Variants in PIK3C3 observed in about 807,000 individuals in gnomAD.
PIK3C3 encodes the protein phosphatidylinositol 3-kinase catalytic subunit type 3.
In PIK3C3, 95 loss-of-function variants were observed where a neutral mutation model predicts 126.1. That is an observed-to-expected ratio of 0.75 (90% CI 0.64 to 0.89). The LOEUF is 0.89. PIK3C3 is among the 40% of genes least tolerant of loss of function. PIK3C3 has a pLI of 0.00. For missense variants in PIK3C3, 829 were observed against 1,063.2 expected (o/e 0.78, Z 3.06); for synonymous variants, 374 against 360.0 (o/e 1.04, Z -0.44).
chr18:42,036,720 A>T (rs1462895901), intron 16 of PIK3C3, among the ~76,000 whole-genome samples: 1 of 152,132 alleles, frequency 6.6e-6, no homozygotes, highest in Non-Finnish European at 1.5e-5. Context: ...AAAACATAAT[A>T]TTATTCCAGA....
chr18:42,042,334 A>G (rs772340879), intron 19 of PIK3C3, among the ~76,000 whole-genome samples: 2 of 152,180 alleles, frequency 1.3e-5, no homozygotes, highest in Non-Finnish European at 2.9e-5. Context: ...TTTTCTGTGT[A>G]TGTTTTCCAT....
chr18:42,067,280 A>G (rs931001879), intron 23 of PIK3C3, 108 bp from the exon 24 acceptor site: 2 of 961,732 alleles, frequency 2.1e-6, no homozygotes, highest in East Asian at 2.4e-5. Flanking sequence ...TTTATTTGCC[A>G]TAGGAATAGC....
At chr18:41,995,018 A>G (rs1027836437) in intron 7 of PIK3C3, among the ~76,000 whole-genome samples, 5 of 152,154 alleles carry the variant, frequency 3.3e-5, no homozygotes, top group African/African-American at 1.2e-4. Context: ...AGTTTGGTCA[A>G]CAGAGCAAGA....
chr18:42,013,388 G>C, intron 10 of PIK3C3, 54 bp from the exon 11 acceptor site: 2 of 989,160 alleles, frequency 2.0e-6, no homozygotes, highest in Non-Finnish European at 3.0e-6. Context: ...AATTATGTCT[G>C]TAATAATTTT....
At chr18:41,982,891 T>A (rs1004911942) in intron 4 of PIK3C3, among the ~76,000 whole-genome samples, 1 of 152,228 alleles carries the variant, frequency 6.6e-6, no homozygotes, top group Non-Finnish European at 1.5e-5. Flanking sequence ...TTAAGATACT[T>A]CTACCACATA....
chr18:42,045,292 TACTC>T (rs1984512081), intron 20 of PIK3C3, among the ~76,000 whole-genome samples: 1 of 152,136 alleles, frequency 6.6e-6, no homozygotes, highest in Non-Finnish European at 1.5e-5. Flanking sequence ...CTTGTCCTCT[TACTC>T]TGTGTTTCTC....
chr18:42,029,332 A>G lies in PIK3C3; in HGVS notation c.1598A>G (p.Lys533Arg). 1 of 1,611,638 alleles carries G rather than the reference A, an allele frequency of 6.2e-7. No homozygotes were observed. The highest frequency in any genetic ancestry group is 8.5e-7 in the Non-Finnish European group (1 of 1,177,800). The change falls in exon 15 of 25, where the codon AAG becomes AGG. Residue 533 changes from lysine to arginine, a missense_variant. Transcript: ENST00000262039. ...RFSQALLKGDKSVRVMRSLLA... is the reference protein window; with the variant it reads ...RFSQALLKGDRSVRVMRSLLA... ...TCACTTTGAACCCTTCAGGGTGATA[A>G]GTCTGTCAGAGTTATGCGTTCTTTG...
chr18:42,054,138 A>ATC (rs1984933764), intron 21 of PIK3C3, among the ~76,000 whole-genome samples: 3 of 21,330 alleles, frequency 1.4e-4, no homozygotes, highest in Non-Finnish European at 7.6e-5. Context: ...ATATATATAT[A>ATC]TATATATATA....
At chr18:41,968,467 T>C (rs983785519) in intron 3 of PIK3C3, among the ~76,000 whole-genome samples, 1 of 152,154 alleles carries the variant, frequency 6.6e-6, no homozygotes, top group African/African-American at 2.4e-5. Flanking sequence ...TAAATAAATA[T>C]TGAGAATTTT....
Position 42,082,834 on chromosome 18 carries a change from A to G in PIK3C3, c.*1697A>G, listed in dbSNP as rs138360221. On this transcript the variant is annotated 3_prime_UTR_variant, in exon 25 of 25. Coordinates refer to ENST00000262039, the MANE Select transcript of PIK3C3 (RefSeq NM_002647.4). ...TCTGCTAACTGGAAGGCAAAAGTGT[A>G]TCATCTTACTCGTCTTTATAAACTC... is the stretch of plus-strand genomic sequence containing the variant. 5 of 152,358 alleles carry G rather than the reference A, an allele frequency of 3.3e-5. No homozygotes were observed. In the East Asian group the frequency reaches 5.8e-4, roughly 18 times the overall value. The allele number at this position is 152,358 out of a possible 1,614,324, so 9.4% of individuals were successfully genotyped here.
At chr18:42,009,883 A>G (rs1016280542) in intron 10 of PIK3C3, among the ~76,000 whole-genome samples, 6 of 152,162 alleles carry the variant, frequency 3.9e-5, no homozygotes, top group Non-Finnish European at 5.9e-5. Flanking sequence ...TTGGTAGTCA[A>G]GGGTCTTGCC....
rs534289642 is a variant in PIK3C3, at chr18:41,970,354, G to C, written c.429G>C (p.Leu143Phe). The part of the protein sequence containing the change: ...YGMFRQGMHD[L>F]KVWPNVEADG... ...TGTTTCGCCAAGGGATGCATGACTT[G>C]AAAGTCTGGCCTAATGTAGAAGCAG... is the stretch of plus-strand genomic sequence containing the variant. Residue 143 changes from leucine to phenylalanine, a missense_variant, in exon 4 of 25, where the codon TTG becomes TTC. Leu to Phe is a conservative substitution (Grantham distance 22). Around this residue, in one of 4 missense-constraint regions of PIK3C3, gnomAD observed 313 missense variants for 340.7 expected, o/e 0.92. Coordinates refer to ENST00000262039, the MANE Select transcript of PIK3C3 (RefSeq NM_002647.4). 8 of 1,613,448 alleles carry C rather than the reference G, an allele frequency of 5.0e-6. No individual in the cohort carries two copies. The East Asian group carries it at 1.6e-4, about 31-fold the overall frequency.
rs1420250671 is a variant in PIK3C3, at chr18:41,955,317, A to G, written c.26A>G (p.Tyr9Cys). 1 of 1,613,610 alleles carries G rather than the reference A, an allele frequency of 6.2e-7. No individual in the cohort carries two copies. Among genetic ancestry groups the G allele is most frequent in the Non-Finnish European group, 8.5e-7 (1 of 1,179,734 alleles). ...ATGGGGGAAGCAGAGAAGTTTCACT[A>G]CATCTATAGTTGTGACCTGGATATC... MGEAEKFH[Y>C]IYSCDLDINV... The change falls in exon 1 of 25, where the codon TAC (tyrosine) becomes TGC (cysteine). Residue 9 changes from tyrosine to cysteine, a missense_variant. Physicochemically the swap from Tyr to Cys is radical, Grantham distance 194. Coordinates refer to ENST00000262039, the MANE Select transcript of PIK3C3 (RefSeq NM_002647.4).
chr18:41,990,272 T>G (rs945443321), intron 5 of PIK3C3, among the ~76,000 whole-genome samples, 187 bp from the exon 6 acceptor site: 2 of 152,180 alleles, frequency 1.3e-5, no homozygotes, highest in African/African-American at 4.8e-5. Flanking sequence ...ACAGTAGTGC[T>G]GTCTATAATA....
chr18:42,070,413 G>A (rs990405257), intron 24 of PIK3C3: 1 of 152,158 alleles, frequency 6.6e-6, no homozygotes, highest in Admixed American at 6.5e-5. Context: ...TAGTGGTCTA[G>A]TTTTGAAATT....
Position 41,955,365 on chromosome 18 carries a change from A to G in PIK3C3, c.68+6A>G. ...ATCAACGTCCAGCTTAAGATGTAAG[A>G]GAACACTCGGGACAGGGAGTGGGAT... On this transcript the variant is annotated splice_donor_region_variant and intron_variant, in intron 1 of 24. Coordinates refer to ENST00000262039, the MANE Select transcript of PIK3C3 (RefSeq NM_002647.4). 1 of 1,611,964 alleles carries G rather than the reference A, an allele frequency of 6.2e-7. No homozygotes were observed. Among genetic ancestry groups the G allele is most frequent in the South Asian group, 1.1e-5 (1 of 90,966 alleles).
intron 10 of PIK3C3, among the ~76,000 whole-genome samples, chr18:42,011,733 T>C (rs899114012): frequency 6.6e-6 from 1 of 151,994 alleles, no homozygotes; most frequent in Non-Finnish European, 1.5e-5. Flanking sequence ...TGGCTTTTCC[T>C]GTGCCTTCTT....
intron 21 of PIK3C3, among the ~76,000 whole-genome samples, chr18:42,056,115 C>A (rs1376295287): frequency 4.6e-5 from 7 of 151,848 alleles, no homozygotes; most frequent in Non-Finnish European, 1.0e-4. Context: ...ATTTTTTGAA[C>A]CTTTACAAAT....
intron 8 of PIK3C3, 118 bp from the exon 9 acceptor site, chr18:41,996,520 G>T: frequency 2.1e-6 from 1 of 469,220 alleles, no homozygotes; most frequent in Non-Finnish European, 3.8e-6. Context: ...CATTTTCCTT[G>T]CTTGTGTAAT....
Sources: allele counts gnomAD v4.1 joint callset (sites outside exome capture counted in the v4.1 genomes callset), GRCh38; gene constraint gnomAD v4.1.1; regional missense constraint gnomAD v4.1.1; transcripts MANE v1.5; gene names NCBI Gene and HGNC (gene_info 2026-07-23, HGNC 2026-07-21).